GNA14: variants seen among roughly 807,000 people sequenced by gnomAD.
GNA14 encodes the protein G protein subunit alpha 14, also known as guanine nucleotide-binding protein subunit alpha-14.
In GNA14, 50 loss-of-function variants were observed where a neutral mutation model predicts 42.0. The observed-to-expected ratio is 1.19, with a 90% confidence interval of 0.95 to 1.51. The LOEUF (loss-of-function observed/expected upper bound fraction) is 1.51, where lower values mean the gene tolerates loss of function less well. GNA14 is among the 40% of genes most tolerant of loss of function. GNA14 has a pLI of 0.00. For synonymous variants in GNA14, 173 were observed against 163.1 expected (o/e 1.06, Z -0.46); for missense variants, 473 against 446.2 (o/e 1.06, Z -0.54).
intron 2 of GNA14, among the ~76,000 whole-genome samples, chr9:77,511,029 T>C (rs548118081): frequency 5.3e-5 from 8 of 150,080 alleles, no homozygotes; most frequent in Non-Finnish European, 8.9e-5. Flanking sequence ...CCCTGGATTA[T>C]AGGGCACCAT....
chr9:77,486,173 A>G (rs1564028746), intron 2 of GNA14, among the ~76,000 whole-genome samples: 1 of 152,186 alleles, frequency 6.6e-6, no homozygotes, highest in Non-Finnish European at 1.5e-5. Context: ...GATATTTTGG[A>G]TAACTTGCTG....
intron 1 of GNA14, among the ~76,000 whole-genome samples, chr9:77,628,327 G>C (rs998774689): frequency 1.3e-5 from 2 of 152,174 alleles, no homozygotes; most frequent in Non-Finnish European, 2.9e-5. Context: ...GTAATTTATA[G>C]ATTCAATGCT....
intron 1 of GNA14, among the ~76,000 whole-genome samples, chr9:77,593,453 GGCGT>G (rs968554998): frequency 1.3e-5 from 2 of 151,986 alleles, no homozygotes; most frequent in African/African-American, 4.8e-5. Flanking sequence ...TGGGATTACA[GGCGT>G]GCACTACCAC....
chr9:77,633,908 C>A (rs1824138129), intron 1 of GNA14, among the ~76,000 whole-genome samples: 1 of 152,104 alleles, frequency 6.6e-6, no homozygotes, highest in Non-Finnish European at 1.5e-5. Context: ...GATTAAAGTA[C>A]CCAGAATAAT....
At chr9:77,432,363 CCT>C (rs929762893) in intron 3 of GNA14, among the ~76,000 whole-genome samples, 1 of 152,194 alleles carries the variant, frequency 6.6e-6, no homozygotes, top group African/African-American at 2.4e-5. Context: ...CCACAACCCA[CCT>C]CTCTGCCCAG....
intron 2 of GNA14, among the ~76,000 whole-genome samples, chr9:77,488,176 G>A (rs1215903903): frequency 6.6e-6 from 1 of 152,182 alleles, no homozygotes; most frequent in Non-Finnish European, 1.5e-5. Flanking sequence ...TTTCCTAGGG[G>A]CACAGAGAAA....
intron 1 of GNA14, among the ~76,000 whole-genome samples, chr9:77,550,196 G>C (rs1288033591): frequency 6.6e-6 from 1 of 152,084 alleles, no homozygotes; most frequent in Non-Finnish European, 1.5e-5. Flanking sequence ...TGCACTCAGG[G>C]GTTGAAGCAG....
chr9:77,618,745 T>C (rs1410734290), intron 1 of GNA14, among the ~76,000 whole-genome samples: 3 of 138,690 alleles, frequency 2.2e-5, no homozygotes, highest in African/African-American at 8.2e-5. Flanking sequence ...GCCATTCTCC[T>C]GCCTCAGCCT....
intron 2 of GNA14, among the ~76,000 whole-genome samples, chr9:77,480,435 C>T (rs1836523077): frequency 6.6e-6 from 1 of 152,152 alleles, no homozygotes; most frequent in Non-Finnish European, 1.5e-5. Context: ...TTTTGATGTG[C>T]TGCTGGATTC....
chr9:77,515,960 C>CA (rs1158448237), intron 2 of GNA14, among the ~76,000 whole-genome samples: 1,610 of 52,528 alleles, frequency 0.031, 53 homozygotes, highest in Middle Eastern at 0.083. Flanking sequence ...CCCTGTCTCA[C>CA]AAAAAAAAAA....
At chr9:77,491,931 CAA>C (rs1404741400) in intron 2 of GNA14, among the ~76,000 whole-genome samples, 1 of 152,094 alleles carries the variant, frequency 6.6e-6, no homozygotes. Context: ...CAACTCTCAA[CAA>C]AAGAGTAAAA....
At chr9:77,545,809 G>A (rs1025313987) in intron 1 of GNA14, among the ~76,000 whole-genome samples, 12 of 151,908 alleles carry the variant, frequency 7.9e-5, no homozygotes, top group African/African-American at 1.5e-4. Context: ...TACCATTATC[G>A]TTGCATTTGC....
At chr9:77,598,821 C>T (rs187453958) in intron 1 of GNA14, among the ~76,000 whole-genome samples, 104 of 152,250 alleles carry the variant, frequency 6.8e-4, no homozygotes, top group African/African-American at 2.5e-3. Context: ...AAAGAGTCGT[C>T]TTTAGGAGCC....
chr9:77,518,518 C>G (rs1837298001), intron 2 of GNA14, among the ~76,000 whole-genome samples: 1 of 152,098 alleles, frequency 6.6e-6, no homozygotes, highest in African/African-American at 2.4e-5. Flanking sequence ...ACTGGTCTGT[C>G]ATAATGGTCT....
At chr9:77,635,982 T>C (rs750244694) in intron 1 of GNA14, among the ~76,000 whole-genome samples, 1 of 152,232 alleles carries the variant, frequency 6.6e-6, no homozygotes, top group Non-Finnish European at 1.5e-5. Flanking sequence ...ATAAAAATAC[T>C]CTTTGATGCC....
In GNA14 at chr9:77,621,528, T is replaced by C. The variant is rs185807555; in HGVS notation, c.124+26142A>G. Among the ~76,000 whole-genome samples the C allele has an allele frequency of 1.4e-4, 22 of 152,336 alleles. No individual in the cohort carries two copies. In the East Asian group the frequency reaches 4.1e-3, roughly 28 times the overall value. ...AGACCCTATGTTTAGTGTCCACTCT[T>C]ATCCTGGTTGGCTTACGTAAAACAA... On this transcript the variant is annotated intron_variant, in intron 1 of 6. Transcript: ENST00000341700.
At chr9:77,533,434 C>A (rs973098931) in intron 1 of GNA14, among the ~76,000 whole-genome samples, 8 of 152,198 alleles carry the variant, frequency 5.3e-5, no homozygotes, top group Non-Finnish European at 8.8e-5. Flanking sequence ...CCTGCCTCAG[C>A]CTCTCAAAAT....
chr9:77,444,037 A>T (rs967473516), intron 2 of GNA14, among the ~76,000 whole-genome samples: 1 of 152,170 alleles, frequency 6.6e-6, no homozygotes, highest in African/African-American at 2.4e-5. Flanking sequence ...AAAGGCTCCT[A>T]TGATAAAATA....
intron 1 of GNA14, among the ~76,000 whole-genome samples, chr9:77,575,315 G>C (rs561055576): frequency 1.1e-4 from 17 of 152,292 alleles, no homozygotes; most frequent in African/African-American, 4.1e-4. Flanking sequence ...CTGGAAGGCG[G>C]ACGTTGCAGT....
Sources: gnomAD v4.1 joint callset for allele counts (sites outside exome capture counted in the v4.1 genomes callset) on GRCh38, gnomAD v4.1.1 for gene constraint, MANE v1.5 for transcripts, NCBI Gene and HGNC (gene_info 2026-07-23, HGNC 2026-07-21) for gene names.